Variants in SDK1 observed in about 807,000 individuals in gnomAD.
SDK1 encodes protein sidekick-1.
A neutral mutation model predicts 245.5 loss-of-function variants in SDK1; 157 were observed. That is an observed-to-expected ratio of 0.64 (90% CI 0.56 to 0.73). The LOEUF (loss-of-function observed/expected upper bound fraction) is 0.73, where lower values mean the gene tolerates loss of function less well. SDK1 is among the 30% of genes least tolerant of loss of function. SDK1 has a pLI of 0.00. For missense variants in SDK1, 3,583 were observed against 3,002.3 expected (o/e 1.19, Z -4.52); for synonymous variants, 1,647 against 1,278.5 (o/e 1.29, Z -6.15).
At chr7:3,364,436 A>G (rs1390280599) in intron 1 of SDK1, among the ~76,000 whole-genome samples, 2 of 152,206 alleles carry the variant, frequency 1.3e-5, no homozygotes, top group South Asian at 2.1e-4. Context: ...ATTAAAGTCC[A>G]TGGCACATTT....
intron 1 of SDK1, among the ~76,000 whole-genome samples, chr7:3,433,063 G>C (rs1779913680): frequency 6.6e-6 from 1 of 152,174 alleles, no homozygotes; most frequent in South Asian, 2.1e-4. Flanking sequence ...TCTCAAACAA[G>C]GATTCTTCGT....
intron 1 of SDK1, among the ~76,000 whole-genome samples, chr7:3,473,719 A>C (rs951656972): frequency 7.9e-5 from 12 of 151,244 alleles, no homozygotes; most frequent in African/African-American, 2.7e-4. Flanking sequence ...CCTTCCTTCT[A>C]CTTCTTGCTG....
At chr7:4,010,844 C>G (rs1289787845) in intron 14 of SDK1, 122 bp from the exon 15 acceptor site, 3 of 992,028 alleles carry the variant, frequency 3.0e-6, no homozygotes, top group Non-Finnish European at 4.4e-6. Flanking sequence ...ATAAGCTTTC[C>G]TTCTCCTAGA....
At chr7:3,913,930 G>A (rs887410165) in intron 5 of SDK1, among the ~76,000 whole-genome samples, 2 of 152,148 alleles carry the variant, frequency 1.3e-5, no homozygotes, top group Non-Finnish European at 2.9e-5. Context: ...AGTTAGTGGT[G>A]ATACTAGCGC....
chr7:3,722,735 T>G lies in SDK1; in HGVS notation c.713+80630T>G, dbSNP rs544249735. Among the ~76,000 whole-genome samples, 10 of 152,312 alleles carry G rather than the reference T, an allele frequency of 6.6e-5. No homozygotes were observed. The East Asian group carries it at 1.9e-3, about 29-fold the overall frequency. ...TGCCCCACCCCCTGGTGCAGAATCC[T>G]CAGATCCGGGGACTCGCGCGGGTGG... On this transcript the variant is annotated intron_variant, in intron 4 of 44. Coordinates refer to ENST00000404826, the MANE Select transcript of SDK1 (RefSeq NM_152744.4).
At chr7:4,010,594 A>G (rs889275548) in intron 14 of SDK1, among the ~76,000 whole-genome samples, 1 of 152,206 alleles carries the variant, frequency 6.6e-6, no homozygotes, top group South Asian at 2.1e-4. Context: ...CATGTGCAGC[A>G]TCCTTTTCTG....
chr7:4,208,771 A>G (rs6953096), intron 37 of SDK1, among the ~76,000 whole-genome samples: 7,705 of 152,264 alleles, frequency 0.051, 283 homozygotes, highest in African/African-American at 0.098. Flanking sequence ...CTCACTACAC[A>G]CATGCCACGG....
chr7:4,217,209 C>A (rs540817759), intron 38 of SDK1, among the ~76,000 whole-genome samples: 2 of 141,372 alleles, frequency 1.4e-5, no homozygotes, highest in Non-Finnish European at 3.1e-5. Context: ...GAGCACCAGG[C>A]CACCCAGAGC....
Position 4,132,284 on chromosome 7 carries a change from C to A in SDK1, c.4130-41C>A, listed in dbSNP as rs376032064. 154 of 1,504,870 alleles carry A rather than the reference C, an allele frequency of 1.0e-4. No individual in the cohort carries two copies. The African/African-American group carries it at 1.9e-3, about 19-fold the overall frequency. 93.2% of individuals were successfully genotyped at this position (1,504,870 alleles called of 1,614,324 possible). On this transcript the variant is annotated intron_variant, in intron 27 of 44. Coordinates refer to ENST00000404826, the MANE Select transcript of SDK1 (RefSeq NM_152744.4). ...TGTAACCTGTCACGCACCCAAGGAACACTGTCTTGAGATCTGAATCCCTGT... is the reference window on the plus strand; with the variant it reads ...TGTAACCTGTCACGCACCCAAGGAAAACTGTCTTGAGATCTGAATCCCTGT...
chr7:3,554,697 T>C (rs1779526365), intron 1 of SDK1, among the ~76,000 whole-genome samples: 1 of 152,172 alleles, frequency 6.6e-6, no homozygotes, highest in African/African-American at 2.4e-5. Context: ...AGGCCACCTT[T>C]CCCTCATCCA....
chr7:4,116,873 A>G (rs1783748677), intron 25 of SDK1, among the ~76,000 whole-genome samples: 2 of 152,188 alleles, frequency 1.3e-5, no homozygotes, highest in Admixed American at 1.3e-4. Flanking sequence ...TCAGGATGGA[A>G]CTGCCCAAGC....
intron 7 of SDK1, among the ~76,000 whole-genome samples, chr7:3,952,892 G>C (rs542617665): frequency 6.6e-6 from 1 of 152,164 alleles, no homozygotes; most frequent in Non-Finnish European, 1.5e-5. Flanking sequence ...AGGTTAAGTT[G>C]TGAGGCAAGT....
At chr7:3,476,651 G>C (rs916947106) in intron 1 of SDK1, among the ~76,000 whole-genome samples, 1 of 152,122 alleles carries the variant, frequency 6.6e-6, no homozygotes, top group Non-Finnish European at 1.5e-5. Context: ...TTGAAATTTA[G>C]TATTTTTATA....
At chr7:3,722,285 A>G (rs1321583283) in intron 4 of SDK1, among the ~76,000 whole-genome samples, 1 of 152,158 alleles carries the variant, frequency 6.6e-6, no homozygotes, top group Non-Finnish European at 1.5e-5. Context: ...TGCCATAGCC[A>G]CTATTAGAGA....
At chr7:4,103,801 G>C (rs1228021734) in intron 22 of SDK1, among the ~76,000 whole-genome samples, 1 of 152,248 alleles carries the variant, frequency 6.6e-6, no homozygotes. Flanking sequence ...AGCCGAGGAG[G>C]AGTCAGTGCC....
chr7:3,616,580 A>C (rs1293433795), intron 1 of SDK1, among the ~76,000 whole-genome samples: 1 of 152,164 alleles, frequency 6.6e-6, no homozygotes, highest in Non-Finnish European at 1.5e-5. Flanking sequence ...TAAATCTCCT[A>C]CTGTAAGTTC....
At chr7:4,090,370 C>T (rs570510046) in intron 22 of SDK1, among the ~76,000 whole-genome samples, 4 of 152,310 alleles carry the variant, frequency 2.6e-5, no homozygotes, top group South Asian at 4.2e-4. Context: ...ATCATTTCTT[C>T]TACATTTATC....
At chr7:4,210,924 C>T (rs906417810) in intron 38 of SDK1, among the ~76,000 whole-genome samples, 2 of 152,126 alleles carry the variant, frequency 1.3e-5, no homozygotes, top group African/African-American at 2.4e-5. Flanking sequence ...GACAAGGGCC[C>T]GGACACACAA....
At chr7:3,639,172 C>A in intron 3 of SDK1, 62 bp downstream of exon 3, 1 of 886,050 alleles carries the variant, frequency 1.1e-6, no homozygotes, top group Non-Finnish European at 1.8e-6. Context: ...GGGAGTCAAT[C>A]AGAATCACTT....
Sources: allele counts gnomAD v4.1 joint callset (sites outside exome capture counted in the v4.1 genomes callset), GRCh38; gene constraint gnomAD v4.1.1; transcripts MANE v1.5; gene names NCBI Gene and HGNC (gene_info 2026-07-23, HGNC 2026-07-21).